The following CAPN9 variants were observed in gnomAD, a reference collection of about 807,000 sequenced individuals.
CAPN9 encodes the protein calpain 9.
Under a neutral mutation model 92.8 loss-of-function variants are expected in CAPN9, and 81 were observed. That is an observed-to-expected ratio of 0.87 (90% confidence interval 0.73 to 1.05). CAPN9 has a LOEUF of 1.05. Ranked by LOEUF, CAPN9 falls within the 50% of genes least tolerant of loss-of-function variation. The pLI, the probability that CAPN9 is intolerant of heterozygous loss-of-function variation, is 0.00. For missense variants in CAPN9, 848 were observed against 866.2 expected, an observed-to-expected ratio of 0.98 and a Z score of 0.26; for synonymous variants, 304 against 328.0, an observed-to-expected ratio of 0.93 and a Z score of 0.79.
At chr1:230,752,354 G>A (rs1355140734) in intron 1 of CAPN9, among the ~76,000 whole-genome samples, 1 of 152,220 alleles carries the variant, frequency 6.6e-6, no homozygotes, top group Non-Finnish European at 1.5e-5. Flanking sequence ...AGAGGAGTCG[G>A]TCACACATCC....
At chr1:230,800,028 A>C (rs1668575142) in intron 19 of CAPN9, among the ~76,000 whole-genome samples, 1 of 151,618 alleles carries the variant, frequency 6.6e-6, no homozygotes, top group South Asian at 2.1e-4. Context: ...AATACAAAAA[A>C]TTAGCCTGGC....
intron 6 of CAPN9, among the ~76,000 whole-genome samples, chr1:230,771,423 G>T (rs1247309137): frequency 6.6e-6 from 1 of 152,252 alleles, no homozygotes; most frequent in African/African-American, 2.4e-5. Context: ...AAGGGTGATT[G>T]AGGTGAACAG....
At chr1:230,794,284 T>C (rs1189186885) in intron 17 of CAPN9, among the ~76,000 whole-genome samples, 3 of 151,922 alleles carry the variant, frequency 2.0e-5, no homozygotes, top group Admixed American at 6.6e-5. Flanking sequence ...GAGTTTGAGA[T>C]CAGCCTGGCC....
chr1:230,776,271 A>AGC (rs1258967497), intron 8 of CAPN9: 1 of 152,074 alleles, frequency 6.6e-6, no homozygotes, highest in Non-Finnish European at 1.5e-5. Flanking sequence ...AATGGCACTA[A>AGC]CCCCATCCAT....
chr1:230,764,384 G>A (rs1665833225), intron 4 of CAPN9, among the ~76,000 whole-genome samples: 1 of 152,172 alleles, frequency 6.6e-6, no homozygotes, highest in Non-Finnish European at 1.5e-5. Flanking sequence ...CAAACCTTTG[G>A]ACTCAAACTT....
rs1278039996 is a variant in CAPN9 at position 230,747,479 on chromosome 1, G to T, written c.-18G>T. The T allele has an allele frequency of 6.2e-7, 1 of 1,610,812 alleles. No individual in the cohort carries two copies. Among genetic ancestry groups the T allele is most frequent in the Non-Finnish European group, 8.5e-7 (1 of 1,177,430 alleles). On this transcript the variant is annotated 5_prime_UTR_variant, in exon 1 of 20. Transcript: ENST00000271971. ...TCCATCCACTGCCGGACCCAAGCCA[G>T]CCTTCCAGGGAGCAGCCATGCCTTA...
rs554988504 is a variant in CAPN9 at position 230,801,684 on chromosome 1, C to T, written c.*88C>T. ...AACTTCTCTTGGTGTGGAACCATTA[C>T]GCCCAGGGTTCACTCCCCTCTCATC... On this transcript the variant is annotated 3_prime_UTR_variant, in exon 20 of 20. Coordinates refer to ENST00000271971, the MANE Select transcript of CAPN9 (RefSeq NM_006615.3). The T allele has an allele frequency of 1.8e-4, 216 of 1,215,270 alleles. No individual in the cohort carries two copies. The East Asian group carries it at 3.2e-3, about 18-fold the overall frequency. The allele number at this position is 1,215,270 out of a possible 1,614,324, so 75.3% of individuals were successfully genotyped here.
chr1:230,780,131 GGGT>G, intron 9 of CAPN9, 45 bp from the exon 10 acceptor site: 2 of 1,350,200 alleles, frequency 1.5e-6, no homozygotes, highest in Non-Finnish European at 2.1e-6. Context: ...TGGTCTTTGT[GGGT>G]TGTTTTTTAA....
chr1:230,767,752 C>A, intron 5 of CAPN9, 43 bp downstream of exon 5: 1 of 1,573,762 alleles, frequency 6.4e-7, no homozygotes, highest in Non-Finnish European at 8.7e-7. Flanking sequence ...TATGCTGGGG[C>A]TGCATAGTGC....
chr1:230,793,121 G>A (rs1010521273), intron 17 of CAPN9, among the ~76,000 whole-genome samples, 193 bp downstream of exon 17: 2 of 152,168 alleles, frequency 1.3e-5, no homozygotes, highest in East Asian at 3.9e-4. Context: ...CTGACACCAG[G>A]GCCCTCATTT....
intron 1 of CAPN9, among the ~76,000 whole-genome samples, chr1:230,754,687 C>G (rs1002484983): frequency 1.3e-4 from 19 of 151,398 alleles, no homozygotes; most frequent in African/African-American, 3.9e-4. Flanking sequence ...TGGTGACTCA[C>G]GTCTGTAGTC....
At chr1:230,797,813 T>C (rs1262355827) in intron 18 of CAPN9, among the ~76,000 whole-genome samples, 1 of 152,156 alleles carries the variant, frequency 6.6e-6, no homozygotes, top group African/African-American at 2.4e-5. Flanking sequence ...ATGCAAAACT[T>C]TACGTGCGTG....
intron 17 of CAPN9, among the ~76,000 whole-genome samples, chr1:230,794,900 A>G (rs1668247443): frequency 1.3e-5 from 2 of 152,220 alleles, no homozygotes; most frequent in Admixed American, 6.5e-5. Context: ...CAAACTCGCT[A>G]AACTCAGAAG....
At chr1:230,769,614 CACCTATCTATCTATCTATCT>C (rs777524852) in intron 6 of CAPN9, among the ~76,000 whole-genome samples, 7,330 of 149,898 alleles carry the variant, frequency 0.049, 193 homozygotes, top group South Asian at 0.069. Flanking sequence ...AACACACACA[CACCTATCTATCTATCTATCT>C]ATCTATCTAT....
chr1:230,791,827 C>T (rs747954774), intron 14 of CAPN9, 37 bp from the exon 15 acceptor site: 24 of 1,555,286 alleles, frequency 1.5e-5, no homozygotes, highest in South Asian at 4.5e-5. Context: ...TTTATCTTAT[C>T]GGGTCAACTG....
chr1:230,758,826 G>A (rs931922815), intron 2 of CAPN9, among the ~76,000 whole-genome samples: 2 of 152,202 alleles, frequency 1.3e-5, no homozygotes, highest in African/African-American at 4.8e-5. Context: ...GAGACACTGT[G>A]AGGCACACAC....
rs1208509243 is a variant in CAPN9, at chr1:230,762,798, C to A, written c.536+12C>A. On this transcript the variant is annotated intron_variant, in intron 4 of 19. Coordinates refer to ENST00000271971, the MANE Select transcript of CAPN9 (RefSeq NM_006615.3). Reference sequence around the variant, plus strand: ...AAAGCCTACGCCAAGTGAGTGACAGCTTCCCCAGCTCAGGCAGCCTCCCGA... The same window carrying A: ...AAAGCCTACGCCAAGTGAGTGACAGATTCCCCAGCTCAGGCAGCCTCCCGA... The A allele has an allele frequency of 6.2e-7, 1 of 1,612,938 alleles. No individual in the cohort carries two copies. The highest frequency in any genetic ancestry group is 8.5e-7 in the Non-Finnish European group (1 of 1,179,396).
chr1:230,780,403 G>A, intron 10 of CAPN9, 67 bp downstream of exon 10: 9 of 1,600,588 alleles, frequency 5.6e-6, no homozygotes, highest in Non-Finnish European at 6.8e-6. Flanking sequence ...CTCCTCCTCG[G>A]TCTCACACCC....
intron 1 of CAPN9, among the ~76,000 whole-genome samples, chr1:230,750,182 A>G (rs889762731): frequency 1.3e-5 from 2 of 152,030 alleles, no homozygotes; most frequent in Non-Finnish European, 2.9e-5. Flanking sequence ...CCCTTGATAC[A>G]CACAAGCCCC....
Sources: gnomAD v4.1 joint callset for allele counts (sites outside exome capture counted in the v4.1 genomes callset) on GRCh38, gnomAD v4.1.1 for gene constraint, MANE v1.5 for transcripts, NCBI Gene and HGNC (gene_info 2026-07-23, HGNC 2026-07-21) for gene names.